PDE11A: variants seen among roughly 807,000 people sequenced by gnomAD.
PDE11A encodes the protein dual 3',5'-cyclic-AMP and -GMP phosphodiesterase 11A.
In PDE11A, 100 loss-of-function variants were observed where a neutral mutation model predicts 100.5. The observed-to-expected ratio is 1.00, with a 90% CI of 0.85 to 1.18. The LOEUF is 1.18. Among genes scored for constraint, PDE11A ranks in the 50% most tolerant of loss-of-function variants. The probability of loss-of-function intolerance (pLI) is 0.00; values close to 1 mark genes in which losing one functional copy is unlikely to be tolerated. For missense variants in PDE11A, 1,141 were observed against 1,152.6 expected (o/e 0.99, Z 0.15); for synonymous variants, 381 against 420.8 (o/e 0.91, Z 1.16).
In PDE11A at chr2:177,664,337, G is replaced by A. The variant is rs192355318; in HGVS notation, c.2563-388C>T. Among the ~76,000 whole-genome samples the A allele has an allele frequency of 5.0e-4, 76 of 152,234 alleles. 1 individual carries two copies. Among genetic ancestry groups the A allele is most frequent in the African/African-American group, 1.8e-3 (73 of 41,538 alleles). ...TTATTTCTGCATTATGAGAGGTTGG[G>A]ATAGAATAGGACAAATCGGAAAATA... is the stretch of plus-strand genomic sequence containing the variant. On this transcript the variant is annotated intron_variant, in intron 18 of 19. Transcript: ENST00000286063.
At chr2:177,959,160 A>G (rs571946366) in intron 2 of PDE11A, among the ~76,000 whole-genome samples, 5 of 152,226 alleles carry the variant, frequency 3.3e-5, no homozygotes, top group Admixed American at 6.5e-5. Flanking sequence ...CAGAGCCAAG[A>G]AGAGGAATGA....
intron 10 of PDE11A, among the ~76,000 whole-genome samples, chr2:177,745,175 T>C (rs974088984): frequency 2.6e-5 from 4 of 152,176 alleles, no homozygotes; most frequent in Non-Finnish European, 5.9e-5. Flanking sequence ...TAGAAGACCA[T>C]GTCACAAAAA....
intron 13 of PDE11A, among the ~76,000 whole-genome samples, chr2:177,706,129 C>G (rs2081275822): frequency 6.6e-6 from 1 of 152,208 alleles, no homozygotes; most frequent in Admixed American, 6.5e-5. Flanking sequence ...TGCGAAGGAT[C>G]ACTTGTCAGA....
In PDE11A at chr2:177,876,556, T is replaced by C. The variant is rs902349449; in HGVS notation, c.1303-633A>G. 3.4e-5 allele frequency among the ~76,000 whole-genome samples: 5 copies of C among 148,568 alleles called. 2 individuals are homozygous for C. The highest frequency in any genetic ancestry group is 1.3e-4 in the African/African-American group (5 of 39,028). Reference sequence around the variant, plus strand: ...CAGAAAATGTCAATGTAGTTTTTCTTATTATTAGCTAATATTGAGTTTACA... The same window carrying C: ...CAGAAAATGTCAATGTAGTTTTTCTCATTATTAGCTAATATTGAGTTTACA... On this transcript the variant is annotated intron_variant, in intron 4 of 19. Coordinates refer to ENST00000286063, the MANE Select transcript of PDE11A (RefSeq NM_016953.4).
intron 2 of PDE11A, among the ~76,000 whole-genome samples, chr2:177,992,807 C>A (rs535063584): frequency 6.6e-6 from 1 of 152,274 alleles, no homozygotes; most frequent in African/African-American, 2.4e-5. Context: ...CTGCCTATAA[C>A]CTCACCCCTT....
chr2:177,972,755 G>A (rs2085788326), intron 2 of PDE11A, among the ~76,000 whole-genome samples: 1 of 152,138 alleles, frequency 6.6e-6, no homozygotes, highest in Admixed American at 6.5e-5. Flanking sequence ...GTTAGAACAA[G>A]CATCCCAACT....
At chr2:177,788,944 G>A (rs1186559132) in intron 9 of PDE11A, among the ~76,000 whole-genome samples, 3 of 152,106 alleles carry the variant, frequency 2.0e-5, no homozygotes, top group Middle Eastern at 3.2e-3. Flanking sequence ...ATTCACAGCC[G>A]AATTCTACCA....
At chr2:177,872,684 G>T (rs534751905) in intron 5 of PDE11A, among the ~76,000 whole-genome samples, 1 of 152,136 alleles carries the variant, frequency 6.6e-6, no homozygotes, top group Non-Finnish European at 1.5e-5. Context: ...GAGGACTAAA[G>T]TATCTAATAG....
intron 15 of PDE11A, among the ~76,000 whole-genome samples, chr2:177,681,743 T>A (rs1244209001): frequency 6.6e-6 from 1 of 152,188 alleles, no homozygotes; most frequent in Non-Finnish European, 1.5e-5. Context: ...CATGTCTCAT[T>A]ATTCCTTCCT....
intron 9 of PDE11A, among the ~76,000 whole-genome samples, chr2:177,790,071 G>C (rs1391745287): frequency 6.6e-6 from 1 of 152,028 alleles, no homozygotes; most frequent in African/African-American, 2.4e-5. Context: ...AAAAGAGCCC[G>C]CATCACCAAG....
chr2:177,930,292 A>C (rs1208243060), intron 2 of PDE11A, among the ~76,000 whole-genome samples: 1 of 152,236 alleles, frequency 6.6e-6, no homozygotes, highest in Non-Finnish European at 1.5e-5. Context: ...GTGCATGCTC[A>C]TAAAATGAAA....
intron 10 of PDE11A, among the ~76,000 whole-genome samples, chr2:177,758,749 C>A (rs2082131417): frequency 2.0e-5 from 3 of 152,202 alleles, no homozygotes; most frequent in African/African-American, 4.8e-5. Flanking sequence ...TCCTTGGCCA[C>A]CCGCCGGCTG....
rs549467948 is a variant in PDE11A at position 177,741,870 on chromosome 2, T to C, written c.1789-13698A>G. Among the ~76,000 whole-genome samples the C allele has an allele frequency of 4.6e-4, 70 of 151,988 alleles. 1 individual carries two copies. In the South Asian group the frequency reaches 0.014, roughly 30 times the overall value. On this transcript the variant is annotated intron_variant, in intron 10 of 19. Transcript: ENST00000286063. ...ATGAGCCTAGGCAAGATCCTATCTG[T>C]ACAGAAAAAAAATTAGCCGGGCACA... is the stretch of plus-strand genomic sequence containing the variant.
At chr2:177,799,575 C>T (rs1348219995) in intron 9 of PDE11A, among the ~76,000 whole-genome samples, 2 of 152,172 alleles carry the variant, frequency 1.3e-5, no homozygotes, top group South Asian at 4.1e-4. Context: ...AAACTGATAA[C>T]CTACTACTAG....
Position 177,817,920 on chromosome 2 carries a change from C to A in PDE11A, c.1582G>T (p.Ala528Ser). The A allele has an allele frequency of 6.8e-7, 1 of 1,479,032 alleles. No individual in the cohort carries two copies. Among genetic ancestry groups the A allele is most frequent in the Non-Finnish European group, 9.4e-7 (1 of 1,058,866 alleles). The allele number at this position is 1,479,032 out of a possible 1,614,324, so 91.6% of individuals were successfully genotyped here. Residue 528 changes from alanine to serine, a missense_variant, in exon 8 of 20, where the codon GCT becomes TCT. Physicochemically the swap from Ala to Ser is moderately conservative, Grantham distance 99. Coordinates refer to ENST00000286063, the MANE Select transcript of PDE11A (RefSeq NM_016953.4). ...WNSNHQIIGV[A>S]QVLNRLDGKP... ...CCATCAAGTCTGTTTAACACTTGAG[C>A]CACTCCTATGGGGAAAGAGTGGATT...
chr2:177,827,756 G>A (rs1468496924), intron 6 of PDE11A, among the ~76,000 whole-genome samples: 1 of 152,214 alleles, frequency 6.6e-6, no homozygotes, highest in African/African-American at 2.4e-5. Flanking sequence ...AATGCCAGTT[G>A]AAAGCAAGGA....
chr2:177,640,947 G>T (rs993798789), intron 19 of PDE11A, among the ~76,000 whole-genome samples: 1 of 152,146 alleles, frequency 6.6e-6, no homozygotes, highest in Non-Finnish European at 1.5e-5. Flanking sequence ...CACTTCCAAA[G>T]TTTCTTTGAA....
At chr2:177,739,515 C>G (rs920167050) in intron 10 of PDE11A, among the ~76,000 whole-genome samples, 7 of 152,222 alleles carry the variant, frequency 4.6e-5, no homozygotes, top group Admixed American at 2.0e-4. Flanking sequence ...ACCAGTGACA[C>G]ATGAGGCTAG....
intron 2 of PDE11A, among the ~76,000 whole-genome samples, chr2:178,096,283 C>A (rs963424939): frequency 1.3e-4 from 20 of 151,224 alleles, no homozygotes; most frequent in African/African-American, 4.9e-4. Context: ...CCCGCCTCAG[C>A]CTCCAGAGTA....
Sources: allele counts gnomAD v4.1 joint callset (sites outside exome capture counted in the v4.1 genomes callset), GRCh38; gene constraint gnomAD v4.1.1; transcripts MANE v1.5; gene names NCBI Gene and HGNC (gene_info 2026-07-23, HGNC 2026-07-21).